The following CERS3 variants were observed in gnomAD, a reference collection of about 807,000 sequenced individuals.
CERS3 encodes the protein ceramide synthase 3.
Under a neutral mutation model 50.3 loss-of-function variants are expected in CERS3, and 33 were observed. The ratio of observed to expected loss-of-function variants is 0.66; its 90% CI spans 0.50 to 0.88. The LOEUF (loss-of-function observed/expected upper bound fraction) is 0.88. CERS3 is among the 40% of genes least tolerant of loss of function. CERS3 has a pLI of 0.00. For synonymous variants in CERS3, 176 were observed against 155.2 expected (o/e 1.13, Z -0.99); for missense variants, 470 against 460.3 (o/e 1.02, Z -0.19).
At chr15:100,446,574 T>C (rs2033954069) in intron 11 of CERS3, among the ~76,000 whole-genome samples, 1 of 152,256 alleles carries the variant, frequency 6.6e-6, no homozygotes, top group Non-Finnish European at 1.5e-5. Flanking sequence ...ACTGAGCTTA[T>C]CAGACTAACT....
At chr15:100,465,352 G>C (rs1319384524) in intron 10 of CERS3, among the ~76,000 whole-genome samples, 2 of 152,162 alleles carry the variant, frequency 1.3e-5, no homozygotes, top group Non-Finnish European at 2.9e-5. Context: ...AGAGTTATAA[G>C]TTTTAGACAG....
rs565321595 is a variant in CERS3, at chr15:100,484,626, G to A, written c.331C>T (p.Arg111Cys). 3.6e-5 allele frequency: 58 copies of A among 1,614,036 alleles called. No individual in the cohort carries two copies. In the South Asian group the frequency reaches 4.7e-4, roughly 13 times the overall value. The stretch of plus-strand genomic sequence containing the variant: ...CTCCTAAACCATCTTTCCACCTGGC[G>A]CTCCGTCAAGTTACACTTCTTTGCC... ...GLAKKCNLTE[R>C]QVERWFRSRR... The change falls in exon 5 of 12, where the codon CGC becomes TGC. Residue 111 changes from arginine (R) to cysteine (C), a missense_variant. Arg to Cys is a radical substitution (Grantham distance 180). Transcript: ENST00000679737.
intron 11 of CERS3, chr15:100,408,659 G>T (rs1018871734): frequency 2.0e-5 from 3 of 152,128 alleles, no homozygotes; most frequent in Non-Finnish European, 2.9e-5. Context: ...TTTCCCTGCG[G>T]TAAGAGTTTA....
At chr15:100,409,258 A>T (rs2031290218) in intron 11 of CERS3, among the ~76,000 whole-genome samples, 1 of 152,168 alleles carries the variant, frequency 6.6e-6, no homozygotes, top group Admixed American at 6.5e-5. Context: ...AATCCTAATA[A>T]ATGATTGTTT....
intron 11 of CERS3, chr15:100,437,931 C>G (rs1409791830): frequency 1.3e-5 from 2 of 151,172 alleles, no homozygotes; most frequent in East Asian, 3.9e-4. Flanking sequence ...AGAAGAAAAA[C>G]AAAATATTTT....
intron 10 of CERS3, among the ~76,000 whole-genome samples, chr15:100,457,505 A>G (rs924808364): frequency 3.9e-5 from 6 of 152,236 alleles, no homozygotes; most frequent in African/African-American, 7.2e-5. Flanking sequence ...GGTTATCAAT[A>G]GCATGCTCCT....
At chr15:100,493,321 G>C (rs528838767) in intron 3 of CERS3, among the ~76,000 whole-genome samples, 1 of 152,206 alleles carries the variant, frequency 6.6e-6, no homozygotes, top group South Asian at 2.1e-4. Flanking sequence ...GGAGAGTTTT[G>C]TTTGGTTCAC....
intron 10 of CERS3, among the ~76,000 whole-genome samples, chr15:100,463,294 G>T (rs2034608934): frequency 6.6e-6 from 1 of 151,898 alleles, no homozygotes; most frequent in Non-Finnish European, 1.5e-5. Context: ...AATTAGCTGG[G>T]TGTGGTGGCA....
At chr15:100,467,278 C>T (rs185912657) in intron 10 of CERS3, among the ~76,000 whole-genome samples, 7 of 142,798 alleles carry the variant, frequency 4.9e-5, no homozygotes, top group Non-Finnish European at 1.1e-4. Context: ...CAAGGCCAAT[C>T]GACTCCTAGA....
chr15:100,440,104 G>A (rs1485613502), intron 11 of CERS3, among the ~76,000 whole-genome samples: 1 of 152,204 alleles, frequency 6.6e-6, no homozygotes, highest in Non-Finnish European at 1.5e-5. Flanking sequence ...GGGGACAGGA[G>A]CTTCTGGAAG....
chr15:100,484,488 C>T lies in CERS3; in HGVS notation c.407+62G>A, dbSNP rs1042827419. ...TGCTGCTCCGGCAGTATTCTCTCTGCAAGGACCACTCAGCTCCAGATAGGA... is the reference window on the plus strand; with the variant it reads ...TGCTGCTCCGGCAGTATTCTCTCTGTAAGGACCACTCAGCTCCAGATAGGA... On this transcript the variant is annotated intron_variant, in intron 5 of 11. Transcript: ENST00000679737. 4.3e-6 allele frequency: 5 copies of T among 1,152,324 alleles called. No homozygotes were observed. The Admixed American group carries it at 8.4e-5, about 19-fold the overall frequency. The allele number at this position is 1,152,324 out of a possible 1,614,324, so 71.4% of individuals were successfully genotyped here.
At chr15:100,484,522 T>C (rs2142281256) in intron 5 of CERS3, 28 bp downstream of exon 5, 1 of 1,456,872 alleles carries the variant, frequency 6.9e-7, no homozygotes, top group Non-Finnish European at 9.6e-7. Context: ...GACGGCAGCA[T>C]TCCTAAAGCT....
intron 11 of CERS3, among the ~76,000 whole-genome samples, chr15:100,441,404 C>T (rs1327095558): frequency 1.3e-5 from 2 of 151,888 alleles, no homozygotes; most frequent in East Asian, 3.9e-4. Context: ...GACCACTTAT[C>T]TCTGTGCCCC....
At chr15:100,497,577 C>A (rs1382831859) in intron 3 of CERS3, among the ~76,000 whole-genome samples, 1 of 151,616 alleles carries the variant, frequency 6.6e-6, no homozygotes, top group African/African-American at 2.4e-5. Flanking sequence ...GAGGGGAAAG[C>A]AAAATAGAAT....
intron 11 of CERS3, among the ~76,000 whole-genome samples, chr15:100,417,085 T>C (rs2031970944): frequency 6.6e-6 from 1 of 152,176 alleles, no homozygotes; most frequent in Non-Finnish European, 1.5e-5. Context: ...GGAGCCAAGA[T>C]GTCCGAATAG....
intron 3 of CERS3, among the ~76,000 whole-genome samples, chr15:100,494,745 C>G (rs2035760297): frequency 6.6e-6 from 1 of 152,192 alleles, no homozygotes; most frequent in Non-Finnish European, 1.5e-5. Context: ...GCAACTCTGC[C>G]TTAGCCTTCA....
At position 100,512,001 on chromosome 15, in the gene CERS3, C is replaced by T. The variant is rs1266240770; in HGVS notation, c.-2+9666G>A. ...TGTTACATGCCCTGGAGAGGAGCAT[C>T]GTAAGTCCATTGGGAGCCTGGGTTT... On this transcript the variant is annotated intron_variant, in intron 2 of 11. Coordinates refer to ENST00000679737, the MANE Select transcript of CERS3 (RefSeq NM_001378789.1). Among the ~76,000 whole-genome samples the T allele has an allele frequency of 7.9e-5, 2 of 25,436 alleles. 1 individual carries two copies. The highest frequency in any genetic ancestry group is 1.6e-4 in the African/African-American group (2 of 12,642). 16.7% of individuals were successfully genotyped at this position (25,436 alleles called of 152,430 possible). A position where few individuals can be genotyped will look rare whatever the true frequency, so the allele number is the denominator to read the frequency against.
chr15:100,458,302 G>A (rs1351472880), intron 10 of CERS3, among the ~76,000 whole-genome samples: 1 of 152,082 alleles, frequency 6.6e-6, no homozygotes, highest in African/African-American at 2.4e-5. Context: ...TGAAAAACAG[G>A]GGCCAGGTGC....
Position 100,421,422 on chromosome 15 carries a change from G to C in CERS3, c.1000-18557C>G, listed in dbSNP as rs531784527. Among the ~76,000 whole-genome samples the C allele has an allele frequency of 2.6e-4, 40 of 152,102 alleles. No homozygotes were observed. The South Asian group carries it at 7.1e-3, about 27-fold the overall frequency. On this transcript the variant is annotated intron_variant, in intron 11 of 11. Transcript: ENST00000679737. ...AGGAGAACTACAAACCACTGCTCAAGGAAGTAAAAGAGGATACAAACAAAT... is the reference window on the plus strand; with the variant it reads ...AGGAGAACTACAAACCACTGCTCAACGAAGTAAAAGAGGATACAAACAAAT...
Sources: gnomAD v4.1 joint callset for allele counts (sites outside exome capture counted in the v4.1 genomes callset) on GRCh38, gnomAD v4.1.1 for gene constraint, MANE v1.5 for transcripts, NCBI Gene and HGNC (gene_info 2026-07-23, HGNC 2026-07-21) for gene names.